The following GTF3C1 variants were observed in gnomAD, a reference collection of about 807,000 sequenced individuals.
The protein encoded by GTF3C1 is general transcription factor 3C polypeptide 1.
In GTF3C1, 57 loss-of-function variants were observed where a neutral mutation model predicts 226.7. That is an observed-to-expected ratio of 0.25 (90% CI 0.20 to 0.31). The LOEUF (loss-of-function observed/expected upper bound fraction) is 0.31. Ranked by LOEUF, GTF3C1 falls within the 10% of genes least tolerant of loss-of-function variation. The pLI, the probability that GTF3C1 is intolerant of heterozygous loss-of-function variation, is 1.00. For missense variants in GTF3C1, 2,217 were observed against 2,776.1 expected, an observed-to-expected ratio of 0.80 and a Z score of 4.53; for synonymous variants, 1,090 against 1,084.8, an observed-to-expected ratio of 1.00 and a Z score of -0.09.
Position 27,461,577 on chromosome 16 carries a change from C to G in GTF3C1, c.6118-15G>C. The G allele has an allele frequency of 1.3e-6, 2 of 1,595,668 alleles. No individual in the cohort carries two copies. Among genetic ancestry groups the G allele is most frequent in the Non-Finnish European group, 1.7e-6 (2 of 1,164,184 alleles). On this transcript the variant is annotated splice_polypyrimidine_tract_variant and intron_variant, in intron 36 of 36. Coordinates refer to ENST00000356183, the MANE Select transcript of GTF3C1 (RefSeq NM_001520.4). This position sits in a 1 kb window ranked among gnomAD's most constrained non-coding sequence, Gnocchi z 5.3. ...GACTCCAGGCCCTGGAGACACCAGACACACAGGTTACAGCGGCACTGCCCT... is the reference window on the plus strand; with the variant it reads ...GACTCCAGGCCCTGGAGACACCAGAGACACAGGTTACAGCGGCACTGCCCT...
At chr16:27,481,001 T>A in intron 27 of GTF3C1, 78 bp downstream of exon 27, 1 of 1,209,554 alleles carries the variant, frequency 8.3e-7, no homozygotes, top group Non-Finnish European at 1.2e-6. Flanking sequence ...TTCCCGGACC[T>A]GCTGATAAGG....
intron 29 of GTF3C1, among the ~76,000 whole-genome samples, chr16:27,476,207 C>T (rs140776540): frequency 1.3e-5 from 2 of 152,278 alleles, no homozygotes; most frequent in African/African-American, 2.4e-5. Flanking sequence ...TTGACTGTGA[C>T]GATTATTCTG....
chr16:27,542,247 C>A (rs1567417266), intron 2 of GTF3C1, among the ~76,000 whole-genome samples: 1 of 152,138 alleles, frequency 6.6e-6, no homozygotes, highest in African/African-American at 2.4e-5. Context: ...CTTGTCCACA[C>A]CAAAACTCAT....
intron 5 of GTF3C1, among the ~76,000 whole-genome samples, chr16:27,532,524 T>A (rs72784377): frequency 6.6e-6 from 1 of 152,212 alleles, no homozygotes; most frequent in Non-Finnish European, 1.5e-5. Context: ...TCCAGTCAGA[T>A]TGGAAGCAGC....
At chr16:27,539,211 CT>C (rs1340528590) in intron 2 of GTF3C1, among the ~76,000 whole-genome samples, 1 of 152,146 alleles carries the variant, frequency 6.6e-6, no homozygotes, top group Non-Finnish European at 1.5e-5. Flanking sequence ...GTCAAAAGCA[CT>C]GAACGGTGCA....
At chr16:27,466,147 C>T (rs2087783551) in intron 32 of GTF3C1, 1 of 153,694 alleles carries the variant, frequency 6.5e-6, no homozygotes, top group African/African-American at 2.4e-5. Flanking sequence ...TTCAACAGCG[C>T]ACCTCACTTC....
chr16:27,478,261 A>G (rs1336990698), intron 28 of GTF3C1, among the ~76,000 whole-genome samples: 1 of 152,236 alleles, frequency 6.6e-6, no homozygotes, highest in Non-Finnish European at 1.5e-5. Flanking sequence ...CAAATTGTTC[A>G]AAGGTCAACT....
Position 27,488,229 on chromosome 16 carries a change from T to C in GTF3C1, c.3698A>G (p.Lys1233Arg). ...AATGAAAATGATCACCACATAACCT[T>C]TCTTCTTTCTCTTGATCTTCTTCCC... Reference protein sequence around the residue: ...DPGKKIKRKKKGEFPGEKSKR... With the variant: ...DPGKKIKRKKRGEFPGEKSKR... Residue 1233 changes from lysine (K) to arginine (R), a missense_variant and splice_region_variant, in exon 23 of 37, where the codon AAA becomes AGA. Physicochemically the swap from Lys to Arg is conservative, Grantham distance 26 (BLOSUM62 2). Around this residue, in one of 12 missense-constraint regions of GTF3C1, gnomAD observed 546 missense variants for 663.0 expected, o/e 0.82. Coordinates refer to ENST00000356183, the MANE Select transcript of GTF3C1 (RefSeq NM_001520.4). The C allele has an allele frequency of 6.2e-7, 1 of 1,613,234 alleles. No individual in the cohort carries two copies. Among genetic ancestry groups the C allele is most frequent in the Non-Finnish European group, 8.5e-7 (1 of 1,179,430 alleles).
Position 27,516,830 on chromosome 16 carries a change from G to C in GTF3C1, c.974-4929C>G, listed in dbSNP as rs150945689. 1.2e-3 allele frequency among the ~76,000 whole-genome samples: 187 copies of C among 152,218 alleles called. 1 individual carries two copies. Among genetic ancestry groups the C allele is most frequent in the African/African-American group, 4.0e-3 (166 of 41,526 alleles). On this transcript the variant is annotated intron_variant, in intron 6 of 36. Transcript: ENST00000356183. ...TTATTTGTTGTAGAGACGGGATCTT[G>C]CTATGTCACCTAGGCTGGTCTAGAA... is the stretch of plus-strand genomic sequence containing the variant.
At chr16:27,547,306 C>G (rs1304154031) in intron 1 of GTF3C1, among the ~76,000 whole-genome samples, 7 of 152,196 alleles carry the variant, frequency 4.6e-5, no homozygotes, top group Non-Finnish European at 8.8e-5. Flanking sequence ...AGCTCAGTCC[C>G]TCCCTCTGGC....
chr16:27,533,559 G>A (rs548889651), intron 4 of GTF3C1, among the ~76,000 whole-genome samples, 172 bp from the exon 5 acceptor site: 1 of 152,314 alleles, frequency 6.6e-6, no homozygotes, highest in South Asian at 2.1e-4. Context: ...TCTACAGGTG[G>A]AGAGACTGTG....
At chr16:27,509,944 T>C (rs2088548409) in intron 7 of GTF3C1, among the ~76,000 whole-genome samples, 1 of 151,848 alleles carries the variant, frequency 6.6e-6, no homozygotes, top group South Asian at 2.1e-4. Flanking sequence ...AGCAACACGC[T>C]AAAAAGTAGG....
rs547724729 is a variant in GTF3C1, at chr16:27,464,429, T to C, written c.5763A>G (p.Ala1921=). Residue 1921 remains alanine (A), a synonymous_variant, in exon 34 of 37, where the codon GCA becomes GCG. Coordinates refer to ENST00000356183, the MANE Select transcript of GTF3C1 (RefSeq NM_001520.4). ...CTTGGTCTTCCTGTGCTGCTCCCGC[T>C]GCAGCGGTGTCTTCAAGAGCTGGGG... ...SPPPALEDTA[A]AGAAQEDQEG... The C allele has an allele frequency of 4.2e-5, 68 of 1,603,470 alleles. 2 individuals carry two copies. In the South Asian group the frequency reaches 7.0e-4, roughly 17 times the overall value.
chr16:27,486,470 A>G (rs1265113560), intron 23 of GTF3C1, among the ~76,000 whole-genome samples: 1 of 152,166 alleles, frequency 6.6e-6, no homozygotes, highest in South Asian at 2.1e-4. Flanking sequence ...AGTCCTTTGA[A>G]GGCATCTTGT....
At chr16:27,514,501 C>A (rs1349859140) in intron 6 of GTF3C1, among the ~76,000 whole-genome samples, 1 of 152,118 alleles carries the variant, frequency 6.6e-6, no homozygotes, top group Non-Finnish European at 1.5e-5. Context: ...GTCAACACAC[C>A]CAGCACACAG....
chr16:27,544,847 G>A (rs1427544619), intron 2 of GTF3C1, among the ~76,000 whole-genome samples: 2 of 152,212 alleles, frequency 1.3e-5, no homozygotes, highest in South Asian at 2.1e-4. Context: ...TGAAGAAGGC[G>A]AATGAAGGCC....
At chr16:27,533,049 T>C (rs2088944863) in intron 5 of GTF3C1, among the ~76,000 whole-genome samples, 2 of 152,226 alleles carry the variant, frequency 1.3e-5, no homozygotes, top group African/African-American at 2.4e-5. Context: ...GGAGAATCGC[T>C]TGAACCTGGG....
intron 14 of GTF3C1, among the ~76,000 whole-genome samples, chr16:27,496,919 T>C (rs2088327921): frequency 6.6e-6 from 1 of 152,206 alleles, no homozygotes. Flanking sequence ...CTGCTGTTCC[T>C]CTTTCACCTG....
chr16:27,480,807 A>T, intron 27 of GTF3C1: 1 of 418,374 alleles, frequency 2.4e-6, no homozygotes, highest in Non-Finnish European at 4.3e-6. Context: ...ATTTCCTCAA[A>T]GGTAAAGTAA....
Sources: allele counts gnomAD v4.1 joint callset (sites outside exome capture counted in the v4.1 genomes callset), GRCh38; gene constraint gnomAD v4.1.1; regional missense constraint gnomAD v4.1.1; non-coding constraint Gnocchi (gnomAD v3.1); transcripts MANE v1.5; gene names NCBI Gene and HGNC (gene_info 2026-07-23, HGNC 2026-07-21).